The following GALNT10 variants were observed in gnomAD, a reference collection of about 807,000 sequenced individuals.
The protein encoded by GALNT10 is polypeptide N-acetylgalactosaminyltransferase 10, also known as GalNAc transferase 10.
A neutral mutation model predicts 75.0 loss-of-function variants in GALNT10; 41 were observed. That is an observed-to-expected ratio of 0.55 (90% CI 0.43 to 0.71). The LOEUF is 0.71. Ranked by LOEUF, GALNT10 falls within the 30% of genes least tolerant of loss-of-function variation. The pLI is 0.00. For synonymous variants in GALNT10, 302 were observed against 313.0 expected (o/e 0.96, Z 0.37); for missense variants, 727 against 818.5 (o/e 0.89, Z 1.36).
intron 1 of GALNT10, among the ~76,000 whole-genome samples, chr5:154,238,747 G>A (rs1227479240): frequency 6.6e-6 from 1 of 152,188 alleles, no homozygotes; most frequent in Non-Finnish European, 1.5e-5. Context: ...AGTTTCAGCT[G>A]TCCTATTTTT....
intron 2 of GALNT10, 58 bp downstream of exon 2, chr5:154,294,976 TTGTGTGTGTGTG>T (rs70978534): frequency 1.2e-4 from 73 of 610,440 alleles, no homozygotes; most frequent in African/African-American, 5.7e-4. Flanking sequence ...GCACATATGC[TTGTGTGTGTGTG>T]TGTGTGTGTG....
rs545078855 is a variant in GALNT10, at chr5:154,337,164, A to G, written c.568+7426A>G. Among the ~76,000 whole-genome samples, 413 of 152,298 alleles carry G rather than the reference A, an allele frequency of 2.7e-3. 2 individuals are homozygous for G. The highest frequency in any genetic ancestry group is 4.3e-3 in the Non-Finnish European group (290 of 68,028). On this transcript the variant is annotated intron_variant, in intron 4 of 11. Transcript: ENST00000297107. ...ATTTATTCAGCGTCATGATCAGACT[A>G]TTACATTTAGCAATCAACAGCATGG...
In GALNT10 at chr5:154,418,286, T is replaced by C. The variant is rs1490895610; in HGVS notation, c.*1314T>C. 6.6e-6 allele frequency: 1 copy of C among 152,250 alleles called. No homozygotes were observed. The highest frequency in any genetic ancestry group is 2.4e-5 in the African/African-American group (1 of 41,442). The allele number at this position is 152,250 out of a possible 1,614,324, so 9.4% of individuals were successfully genotyped here. ...TGGAACCTCCCACCATCATCACAAC[T>C]GTAGTCTCATTTGCAGTGGAGAAAA... On this transcript the variant is annotated 3_prime_UTR_variant, in exon 12 of 12. Transcript: ENST00000297107.
rs769721586 is a variant in GALNT10, at chr5:154,409,640, G to A, written c.1264G>A (p.Val422Ile). The A allele has an allele frequency of 6.2e-7, 1 of 1,613,894 alleles. No homozygotes were observed. Among genetic ancestry groups the A allele is most frequent in the South Asian group, 1.1e-5 (1 of 91,088 alleles). ...CCACCTCTCCGCTGGGGATGTCGCA[G>A]TCCAGAAAAAGCTCCGCAGCTCCCT... Reference protein sequence around the residue: ...YRHLSAGDVAVQKKLRSSLNC... With the variant: ...YRHLSAGDVAIQKKLRSSLNC... The change falls in exon 9 of 12, where the codon GTC becomes ATC. Residue 422 changes from valine to isoleucine, a missense_variant. Transcript: ENST00000297107. The surrounding 1 kb of genome is among the most constrained non-coding windows in gnomAD (Gnocchi z 4.5).
Position 154,416,097 on chromosome 5 carries a change from T to TA in GALNT10, c.1653+165_1653+166insA, listed in dbSNP as rs1488719658. ...TCAAGAGTAGTCAGAAATCTAGACT[T>TA]CACTGTGAAATCCTCAAGTCTTAAA... On this transcript the variant is annotated intron_variant, in intron 11 of 11. Transcript: ENST00000297107. The surrounding 1 kb of genome is among the most constrained non-coding windows in gnomAD (Gnocchi z 4.5). 2.6e-5 allele frequency among the ~76,000 whole-genome samples: 4 copies of TA among 152,168 alleles called. No individual in the cohort carries two copies. The highest frequency in any genetic ancestry group is 9.7e-5 in the African/African-American group (4 of 41,432).
intron 1 of GALNT10, among the ~76,000 whole-genome samples, chr5:154,254,764 G>A (rs969876383): frequency 6.6e-6 from 1 of 152,082 alleles, no homozygotes; most frequent in Admixed American, 6.6e-5. Context: ...CATACTTTTG[G>A]CTGCAAGTAA....
chr5:154,297,248 A>G (rs57160674), intron 2 of GALNT10, among the ~76,000 whole-genome samples: 14,472 of 152,226 alleles, frequency 0.095, 742 homozygotes, highest in African/African-American at 0.14. Flanking sequence ...ACCCAAATCC[A>G]TGACTCAAAG....
chr5:154,356,082 T>C, intron 4 of GALNT10: 1 of 455,216 alleles, frequency 2.2e-6, no homozygotes, highest in South Asian at 1.6e-5. Flanking sequence ...AATTCTCAAA[T>C]TGAATTCATT....
In GALNT10 at chr5:154,243,419, G is replaced by A. The variant is rs1753370082; in HGVS notation, c.160-51397G>A. ...TAGGACTGCTTGCCAGGTGTACCTG[G>A]GTATACTTTCCCACATAAGCAACTT... is the stretch of plus-strand genomic sequence containing the variant. On this transcript the variant is annotated intron_variant, in intron 1 of 11. Transcript: ENST00000297107. Among the ~76,000 whole-genome samples the A allele has an allele frequency of 2.0e-5, 3 of 152,230 alleles. No individual in the cohort carries two copies. The South Asian group carries it at 6.2e-4, about 32-fold the overall frequency.
chr5:154,354,679 G>A (rs27150), intron 4 of GALNT10, among the ~76,000 whole-genome samples: 57,109 of 152,052 alleles, frequency 0.38, 12,907 homozygotes, highest in East Asian at 0.69. Flanking sequence ...CATTCGGGTG[G>A]GGGGGTATCG....
chr5:154,289,807 AC>A (rs1218189849), intron 1 of GALNT10, among the ~76,000 whole-genome samples: 2 of 152,208 alleles, frequency 1.3e-5, no homozygotes, highest in African/African-American at 4.8e-5. Flanking sequence ...TCCAAGAACC[AC>A]CTTTTGAAAG....
intron 1 of GALNT10, among the ~76,000 whole-genome samples, chr5:154,275,855 C>T (rs971556157): frequency 2.0e-5 from 3 of 152,168 alleles, no homozygotes; most frequent in African/African-American, 7.2e-5. Flanking sequence ...TGCTGCCAAA[C>T]TCTATTGATT....
At chr5:154,214,023 C>T (rs572928508) in intron 1 of GALNT10, among the ~76,000 whole-genome samples, 15 of 152,298 alleles carry the variant, frequency 9.8e-5, no homozygotes, top group African/African-American at 3.1e-4. Flanking sequence ...AACTGTTCAA[C>T]TCTAGTGCAA....
At chr5:154,280,360 A>T (rs1561648812) in intron 1 of GALNT10, among the ~76,000 whole-genome samples, 1 of 152,216 alleles carries the variant, frequency 6.6e-6, no homozygotes, top group Admixed American at 6.5e-5. Flanking sequence ...GGATGACTGT[A>T]GTAAACAATA....
intron 4 of GALNT10, among the ~76,000 whole-genome samples, chr5:154,373,373 C>T (rs1474505577): frequency 2.0e-5 from 3 of 152,180 alleles, no homozygotes; most frequent in South Asian, 2.1e-4. Flanking sequence ...CTAACTAAAG[C>T]GAGGCAGACA....
intron 4 of GALNT10, among the ~76,000 whole-genome samples, chr5:154,363,401 A>T (rs1755421030): frequency 6.6e-6 from 1 of 150,886 alleles, no homozygotes; most frequent in African/African-American, 2.4e-5. Flanking sequence ...AAAAATGGAG[A>T]CCACCTGTAT....
intron 1 of GALNT10, among the ~76,000 whole-genome samples, chr5:154,280,228 A>T (rs1256594821): frequency 1.3e-5 from 2 of 152,196 alleles, no homozygotes; most frequent in Non-Finnish European, 2.9e-5. Context: ...AGAAGTAGAG[A>T]GTAGAATAGT....
intron 3 of GALNT10, among the ~76,000 whole-genome samples, chr5:154,316,810 A>G (rs1180966251): frequency 6.6e-6 from 1 of 152,216 alleles, no homozygotes; most frequent in African/African-American, 2.4e-5. Context: ...AGCCTGAGGT[A>G]CCAAAAGTGG....
intron 4 of GALNT10, among the ~76,000 whole-genome samples, chr5:154,368,993 A>G (rs1755521275): frequency 1.3e-5 from 2 of 152,220 alleles, no homozygotes; most frequent in African/African-American, 4.8e-5. Context: ...GTCACCTACC[A>G]GCTGTCTGAA....
Sources: allele counts gnomAD v4.1 joint callset (sites outside exome capture counted in the v4.1 genomes callset), GRCh38; gene constraint gnomAD v4.1.1; non-coding constraint Gnocchi (gnomAD v3.1); transcripts MANE v1.5; gene names NCBI Gene and HGNC (gene_info 2026-07-23, HGNC 2026-07-21).